The following PRXL2A variants were observed in gnomAD, a reference collection of about 807,000 sequenced individuals.
PRXL2A encodes the protein peroxiredoxin-like 2A.
PRXL2A carries 26 observed loss-of-function variants against 25.6 expected under a neutral mutation model. That is an observed-to-expected ratio of 1.02 (90% CI 0.74 to 1.41). The LOEUF (loss-of-function observed/expected upper bound fraction) is 1.41, where lower values mean the gene tolerates loss of function less well. PRXL2A is among the 40% of genes most tolerant of loss of function. PRXL2A has a pLI of 0.00. For missense variants in PRXL2A, 246 were observed against 273.9 expected, an observed-to-expected ratio of 0.90 and a Z score of 0.72; for synonymous variants, 98 against 102.9, an observed-to-expected ratio of 0.95 and a Z score of 0.29.
chr10:80,427,439 C>T lies in PRXL2A; in HGVS notation c.519C>T (p.Asn173=). 6.2e-7 allele frequency: 1 copy of T among 1,614,092 alleles called. No homozygotes were observed. Among genetic ancestry groups the T allele is most frequent in the Non-Finnish European group, 8.5e-7 (1 of 1,180,010 alleles). The part of the protein sequence containing the change: ...FRAWNGGFSG[N]LEGEGFILGG... The stretch of plus-strand genomic sequence containing the variant: ...CCTGGAACGGAGGCTTCTCTGGAAA[C>T]CTGGAAGGAGAAGGCTTCATCCTTG... The change falls in exon 5 of 6, where the codon AAC becomes AAT. Residue 173 remains asparagine, a synonymous_variant. Transcript: ENST00000606162.
chr10:80,419,294 C>CTTTCTTTTTTTTTT (rs1370164429), intron 1 of PRXL2A, among the ~76,000 whole-genome samples: 5 of 129,620 alleles, frequency 3.9e-5, no homozygotes, highest in African/African-American at 7.9e-5. Flanking sequence ...AGGACTTCCT[C>CTTTCTTTTTTTTTT]TTTCTTTTTT....
chr10:80,420,148 A>G, intron 1 of PRXL2A: 1 of 1,024,936 alleles, frequency 9.8e-7, no homozygotes, highest in Non-Finnish European at 1.2e-6. Flanking sequence ...AGCTCCACAG[A>G]GCTAGGGGCT....
intron 1 of PRXL2A, 98 bp from the exon 2 acceptor site, chr10:80,420,368 C>T: frequency 4.7e-6 from 7 of 1,500,430 alleles, no homozygotes; most frequent in Non-Finnish European, 6.2e-6. Flanking sequence ...CTGTCCTGAC[C>T]TCCTGGTTGG....
intron 1 of PRXL2A, chr10:80,409,082 A>AGTCCTC: frequency 7.1e-6 from 7 of 985,200 alleles, no homozygotes; most frequent in Non-Finnish European, 8.4e-6. Flanking sequence ...CGGACCTGGC[A>AGTCCTC]GTCCTCGTCC....
chr10:80,431,919 CT>C, intron 5 of PRXL2A, 66 bp from the exon 6 acceptor site: 1 of 1,135,664 alleles, frequency 8.8e-7, no homozygotes, highest in Non-Finnish European at 1.3e-6. Context: ...ACAGCTGGTC[CT>C]CGATGCCTGT....
Position 80,432,283 on chromosome 10 carries a change from C to T in PRXL2A, c.*184C>T. 1 of 508,668 alleles carries T rather than the reference C, an allele frequency of 2.0e-6. No individual in the cohort carries two copies. 31.5% of individuals were successfully genotyped at this position (508,668 alleles called of 1,614,324 possible). ...AAGGCAAAATAGCCCCAAAACAAGA[C>T]TGACAAAAATCTGAAAAACTAATGA... On this transcript the variant is annotated 3_prime_UTR_variant, in exon 6 of 6. Coordinates refer to ENST00000606162, the MANE Select transcript of PRXL2A (RefSeq NM_032333.5).
chr10:80,422,859 G>T lies in PRXL2A; in HGVS notation c.270+351G>T, dbSNP rs142756372. ...TCAGCACAGATATATGATGTGCCTG[G>T]ATTGCTTCTGATTCGGGTGTGGTCA... is the stretch of plus-strand genomic sequence containing the variant. On this transcript the variant is annotated intron_variant, in intron 3 of 5. Coordinates refer to ENST00000606162, the MANE Select transcript of PRXL2A (RefSeq NM_032333.5). Among the ~76,000 whole-genome samples the T allele has an allele frequency of 2.7e-3, 404 of 152,206 alleles. 4 individuals are homozygous for T. The highest frequency in any genetic ancestry group is 9.3e-3 in the African/African-American group (388 of 41,532).
At chr10:80,431,162 T>C (rs990196550) in intron 5 of PRXL2A, among the ~76,000 whole-genome samples, 8 of 152,166 alleles carry the variant, frequency 5.3e-5, no homozygotes, top group African/African-American at 1.9e-4. Flanking sequence ...CCTCCTAAAG[T>C]GCTGGGAGTA....
intron 1 of PRXL2A, among the ~76,000 whole-genome samples, chr10:80,410,949 G>A (rs953798345): frequency 2.6e-5 from 4 of 152,242 alleles, no homozygotes; most frequent in African/African-American, 9.6e-5. Context: ...GAATGTGGGG[G>A]CTGGTGCTGC....
Position 80,427,344 on chromosome 10 carries a change from G to A in PRXL2A, c.424G>A (p.Gly142Ser). 2.5e-6 allele frequency: 4 copies of A among 1,613,864 alleles called. No individual in the cohort carries two copies. The highest frequency in any genetic ancestry group is 2.5e-6 in the Non-Finnish European group (3 of 1,179,880). The change falls in exon 5 of 6, where the codon GGT becomes AGT. Residue 142 changes from glycine to serine, a missense_variant. Gly to Ser is a moderately conservative substitution (Grantham distance 56, BLOSUM62 0). Coordinates refer to ENST00000606162, the MANE Select transcript of PRXL2A (RefSeq NM_032333.5). ...IFLDEKKKFY[G>S]PQRRKMMFMG... ...TCTCACTCCATAGAAAAAGTTCTATGGTCCACAAAGGCGGAAGATGATGTT... is the reference window on the plus strand; with the variant it reads ...TCTCACTCCATAGAAAAAGTTCTATAGTCCACAAAGGCGGAAGATGATGTT...
chr10:80,423,982 A>G (rs139654902), intron 3 of PRXL2A, among the ~76,000 whole-genome samples: 2 of 152,124 alleles, frequency 1.3e-5, no homozygotes, highest in African/African-American at 4.8e-5. Context: ...TAGGTCAGCA[A>G]TGGCTGGCAA....
chr10:80,427,515 C>T lies in PRXL2A; in HGVS notation c.576+19C>T, dbSNP rs1215306292. The T allele has an allele frequency of 7.4e-6, 12 of 1,613,412 alleles. No individual in the cohort carries two copies. The highest frequency in any genetic ancestry group is 1.0e-5 in the Non-Finnish European group (12 of 1,179,612). ...AAAGCAGGTGAGTTCTTGGTGTTTACTTGTGGTCTGTAGGTGTCTGTGTCT... is the reference window on the plus strand; with the variant it reads ...AAAGCAGGTGAGTTCTTGGTGTTTATTTGTGGTCTGTAGGTGTCTGTGTCT... On this transcript the variant is annotated intron_variant, in intron 5 of 5. Coordinates refer to ENST00000606162, the MANE Select transcript of PRXL2A (RefSeq NM_032333.5).
At chr10:80,418,609 G>A (rs1407423829) in intron 1 of PRXL2A, among the ~76,000 whole-genome samples, 1 of 152,180 alleles carries the variant, frequency 6.6e-6, no homozygotes, top group Middle Eastern at 3.2e-3. Context: ...CTGGGGTGAG[G>A]TGGGCCACAC....
At position 80,437,058 on chromosome 10, in the gene PRXL2A, T is replaced by C. The variant is rs868020467; in HGVS notation, c.*4959T>C. The C allele has an allele frequency of 1.3e-5, 2 of 152,256 alleles. No individual in the cohort carries two copies. Among genetic ancestry groups the C allele is most frequent in the African/African-American group, 4.8e-5 (2 of 41,476 alleles). 9.4% of individuals were successfully genotyped at this position (152,256 alleles called of 1,614,324 possible). On this transcript the variant is annotated 3_prime_UTR_variant, in exon 6 of 6. Coordinates refer to ENST00000606162, the MANE Select transcript of PRXL2A (RefSeq NM_032333.5). ...TTCCCCTGTATCTTGGGGTCTTCAT[T>C]CTGAGGGCTCACATACAATTATGAT...
chr10:80,421,707 A>G (rs765954740), intron 2 of PRXL2A, among the ~76,000 whole-genome samples: 1 of 152,014 alleles, frequency 6.6e-6, no homozygotes, highest in Non-Finnish European at 1.5e-5. Context: ...GGGAAATACT[A>G]AAATAATTAA....
intron 1 of PRXL2A, 196 bp from the exon 2 acceptor site, chr10:80,420,270 T>A: frequency 7.5e-7 from 1 of 1,327,368 alleles, no homozygotes; most frequent in South Asian, 2.0e-5. Context: ...GGAACCTCCA[T>A]GTGTGTGCTG....
intron 1 of PRXL2A, among the ~76,000 whole-genome samples, chr10:80,413,148 C>A (rs1316823797): frequency 6.7e-6 from 1 of 149,418 alleles, no homozygotes; most frequent in East Asian, 2.0e-4. Flanking sequence ...CCCTCCCTGC[C>A]CCCCCATCTA....
chr10:80,421,720 G>A (rs911203516), intron 2 of PRXL2A, among the ~76,000 whole-genome samples: 2 of 151,726 alleles, frequency 1.3e-5, no homozygotes, highest in Admixed American at 6.6e-5. Flanking sequence ...ATAATTAAGG[G>A]CTCATATTTA....
intron 5 of PRXL2A, among the ~76,000 whole-genome samples, chr10:80,429,903 T>C (rs1186023010): frequency 6.6e-6 from 1 of 152,160 alleles, no homozygotes; most frequent in Non-Finnish European, 1.5e-5. Flanking sequence ...CATCTGGTGC[T>C]CATGGGCCCT....
Sources: allele counts gnomAD v4.1 joint callset (sites outside exome capture counted in the v4.1 genomes callset), GRCh38; gene constraint gnomAD v4.1.1; transcripts MANE v1.5; gene names NCBI Gene and HGNC (gene_info 2026-07-23, HGNC 2026-07-21).